The following WDR70 variants were observed in gnomAD, a reference collection of about 807,000 sequenced individuals.
The protein encoded by WDR70 is WD repeat-containing protein 70.
In WDR70, 53 loss-of-function variants were observed where a neutral mutation model predicts 88.6. The ratio of observed to expected loss-of-function variants is 0.60; its 90% CI spans 0.48 to 0.75. The LOEUF (loss-of-function observed/expected upper bound fraction) is 0.75, where lower values mean the gene tolerates loss of function less well. WDR70 is among the 30% of genes least tolerant of loss of function. The pLI is 0.00. For missense variants in WDR70, 610 were observed against 823.2 expected (o/e 0.74, Z 3.17); for synonymous variants, 280 against 270.0 (o/e 1.04, Z -0.36).
chr5:37,642,735 G>T (rs1561046601), intron 10 of WDR70, among the ~76,000 whole-genome samples: 2 of 152,174 alleles, frequency 1.3e-5, no homozygotes, highest in Admixed American at 6.5e-5. Context: ...TTTCTCTGAT[G>T]ATCAGTGATG....
chr5:37,576,911 C>T (rs1743077825), intron 9 of WDR70, among the ~76,000 whole-genome samples: 1 of 151,908 alleles, frequency 6.6e-6, no homozygotes, highest in Non-Finnish European at 1.5e-5. Context: ...GGGAGTTCAG[C>T]TCAGTCACAA....
At chr5:37,728,717 G>A (rs1375522099) in intron 17 of WDR70, among the ~76,000 whole-genome samples, 1 of 152,122 alleles carries the variant, frequency 6.6e-6, no homozygotes, top group Non-Finnish European at 1.5e-5. Flanking sequence ...TTTCTCCACT[G>A]TAAAGATGCT....
chr5:37,691,059 A>AG (rs1468659171), intron 10 of WDR70, among the ~76,000 whole-genome samples: 3 of 152,204 alleles, frequency 2.0e-5, no homozygotes, highest in African/African-American at 7.2e-5. Context: ...AACAAAAAAA[A>AG]GCGGGGGTTG....
chr5:37,392,173 T>C, intron 4 of WDR70, 53 bp downstream of exon 4: 1 of 1,533,864 alleles, frequency 6.5e-7, no homozygotes, highest in Non-Finnish European at 8.7e-7. Context: ...TAGGTGTTTA[T>C]AGAGTTTTTT....
intron 10 of WDR70, among the ~76,000 whole-genome samples, chr5:37,683,574 G>A (rs1379725129): frequency 3.3e-5 from 5 of 152,130 alleles, no homozygotes; most frequent in Non-Finnish European, 5.9e-5. Flanking sequence ...TGTTTGAAAA[G>A]GATCTTATTT....
chr5:37,505,229 A>G (rs1405630093), intron 8 of WDR70, among the ~76,000 whole-genome samples: 2 of 152,162 alleles, frequency 1.3e-5, no homozygotes, highest in African/African-American at 4.8e-5. Context: ...TCTGGATTTA[A>G]TATCGATTTC....
At position 37,415,748 on chromosome 5, in the gene WDR70, C is replaced by T. The variant is rs1366166614; in HGVS notation, c.492+19178C>T. Among the ~76,000 whole-genome samples, 4 of 151,058 alleles carry T rather than the reference C, an allele frequency of 2.6e-5. No individual in the cohort carries two copies. In the South Asian group the frequency reaches 6.3e-4, roughly 24 times the overall value. On this transcript the variant is annotated intron_variant, in intron 5 of 17. Coordinates refer to ENST00000265107, the MANE Select transcript of WDR70 (RefSeq NM_018034.4). The stretch of plus-strand genomic sequence containing the variant: ...TGCCAGGTGGAGGGGCTCCTCACTT[C>T]TCAGACGGGGCGGCTGCCGGGCGGA...
In WDR70 at chr5:37,752,522, T is replaced by A; in HGVS notation, c.1914T>A (p.Ser638=). 2 of 1,612,784 alleles carry A rather than the reference T, an allele frequency of 1.2e-6. No individual in the cohort carries two copies. Among genetic ancestry groups the A allele is most frequent in the Non-Finnish European group, 1.7e-6 (2 of 1,179,434 alleles). ...QPKTMFAQVE[S]DDEEAKNEPE... is the part of the protein sequence containing the mutation. ...AAACCATGTTTGCCCAAGTTGAATC[T>A]GATGATGAGGAAGCAAAGAATGAGC... Residue 638 remains serine (S), a synonymous_variant, in exon 18 of 18, where the codon TCT becomes TCA. Coordinates refer to ENST00000265107, the MANE Select transcript of WDR70 (RefSeq NM_018034.4).
chr5:37,532,907 T>G (rs1470142657), intron 9 of WDR70, among the ~76,000 whole-genome samples: 1 of 152,168 alleles, frequency 6.6e-6, no homozygotes, highest in Non-Finnish European at 1.5e-5. Context: ...AGAGGGAAGA[T>G]CTGGGATTCA....
At chr5:37,714,197 A>G (rs1029462877) in intron 13 of WDR70, among the ~76,000 whole-genome samples, 1 of 152,200 alleles carries the variant, frequency 6.6e-6, no homozygotes, top group African/African-American at 2.4e-5. Context: ...TACATACTTA[A>G]TGATTTCCAA....
intron 8 of WDR70, among the ~76,000 whole-genome samples, chr5:37,513,281 T>A (rs1740777370): frequency 6.6e-6 from 1 of 152,166 alleles, no homozygotes; most frequent in Non-Finnish European, 1.5e-5. Context: ...GAATACTTAT[T>A]TGAGCAAGTG....
chr5:37,584,143 T>A (rs972091709), intron 9 of WDR70, among the ~76,000 whole-genome samples: 5 of 152,226 alleles, frequency 3.3e-5, no homozygotes, highest in African/African-American at 1.2e-4. Context: ...ATAATAGTAG[T>A]ACCTTCTTCA....
chr5:37,724,203 C>T (rs543076051), intron 15 of WDR70: 1 of 152,086 alleles, frequency 6.6e-6, no homozygotes, highest in South Asian at 2.1e-4. Flanking sequence ...TTCCTTTTCC[C>T]CTAGAATATT....
At chr5:37,453,190 C>G (rs1166209795) in intron 7 of WDR70, among the ~76,000 whole-genome samples, 1 of 151,898 alleles carries the variant, frequency 6.6e-6, no homozygotes, top group Non-Finnish European at 1.5e-5. Flanking sequence ...TCAGGGAGAC[C>G]CTAACCCAGT....
At chr5:37,449,576 G>C (rs4349745) in intron 7 of WDR70, among the ~76,000 whole-genome samples, 127,033 of 145,420 alleles carry the variant, frequency 0.87, 58,029 homozygotes, top group East Asian at 1. Context: ...TGGGCAACGA[G>C]TGAAATTTTG....
chr5:37,571,185 C>CA (rs1477829566), intron 9 of WDR70, among the ~76,000 whole-genome samples: 1 of 152,168 alleles, frequency 6.6e-6, no homozygotes. Flanking sequence ...AAAGTCACTT[C>CA]AAAACCGAAA....
intron 7 of WDR70, among the ~76,000 whole-genome samples, chr5:37,457,353 C>G (rs1477550737): frequency 6.6e-6 from 1 of 152,184 alleles, no homozygotes; most frequent in Non-Finnish European, 1.5e-5. Context: ...GCCTTGGCCT[C>G]CCAAAGTGCT....
At chr5:37,604,957 T>C (rs747838955) in intron 9 of WDR70, 107 bp from the exon 10 acceptor site, 7 of 919,164 alleles carry the variant, frequency 7.6e-6, no homozygotes, top group Non-Finnish European at 1.1e-5. Flanking sequence ...TTATTAGATT[T>C]ATGTGCCAAA....
intron 13 of WDR70, among the ~76,000 whole-genome samples, chr5:37,712,152 C>T (rs1747532268): frequency 6.6e-6 from 1 of 152,088 alleles, no homozygotes; most frequent in African/African-American, 2.4e-5. Context: ...GCCACCGCAC[C>T]TGGCTAATTT....
Sources: gnomAD v4.1 joint callset for allele counts (sites outside exome capture counted in the v4.1 genomes callset) on GRCh38, gnomAD v4.1.1 for gene constraint, MANE v1.5 for transcripts, NCBI Gene and HGNC (gene_info 2026-07-23, HGNC 2026-07-21) for gene names.